Variants in GPC3 observed in about 807,000 individuals in gnomAD.
The protein encoded by GPC3 is glypican-3.
GPC3 carries 3 observed loss-of-function variants against 34.4 expected under a neutral mutation model. That is an observed-to-expected ratio of 0.09 (90% confidence interval 0.04 to 0.23). The LOEUF (loss-of-function observed/expected upper bound fraction) is 0.23. Ranked by LOEUF, GPC3 falls within the 10% of genes least tolerant of loss-of-function variation. The pLI is 1.00. For missense variants in GPC3, 351 were observed against 445.6 expected (o/e 0.79, Z 1.91); for synonymous variants, 177 against 174.0 (o/e 1.02, Z -0.13).
chrX:133,647,775 T>C (rs775423132), intron 6 of GPC3, among the ~76,000 whole-genome samples: 2 of 111,853 alleles, frequency 1.8e-5, no homozygotes, highest in African/African-American at 6.5e-5. Context: ...ACAGTTTTGG[T>C]AATTTTTGAG....
intron 2 of GPC3, among the ~76,000 whole-genome samples, chrX:133,891,791 C>T (rs1352962899): frequency 1.0e-5 from 1 of 96,196 alleles, no homozygotes; most frequent in Non-Finnish European, 2.1e-5. Flanking sequence ...AGAGCTAAGA[C>T]CTTGTCTCAA....
intron 3 of GPC3, among the ~76,000 whole-genome samples, chrX:133,751,215 C>T (rs1216081564): frequency 1.8e-5 from 2 of 111,584 alleles, no homozygotes; most frequent in Non-Finnish European, 3.8e-5. Context: ...CTCCTACACC[C>T]TGTCTTTAAT....
chrX:133,586,863 G>A (rs1315867333), intron 7 of GPC3, among the ~76,000 whole-genome samples: 2 of 110,983 alleles, frequency 1.8e-5, no homozygotes, highest in Non-Finnish European at 3.8e-5. Context: ...TATATTTACG[G>A]GGTACATAGT....
rs766721946 is a variant in GPC3 at position 133,668,140 on chromosome X, T to C, written c.1293-6290A>G. Among the ~76,000 whole-genome samples, 13 of 110,182 alleles carry C rather than the reference T, an allele frequency of 1.2e-4. No homozygotes were observed. In the South Asian group the frequency reaches 4.0e-3, roughly 34 times the overall value. On this transcript the variant is annotated intron_variant, in intron 5 of 7. Coordinates refer to ENST00000370818, the MANE Select transcript of GPC3 (RefSeq NM_004484.4). ...GAATGGTCTTGATCTCCTGACTTCA[T>C]GATCCGCCCGCCCACCTCGGCCTCC... is the stretch of plus-strand genomic sequence containing the variant.
At chrX:133,593,354 T>TAAAAAAAAAAA (rs1186766438) in intron 7 of GPC3, among the ~76,000 whole-genome samples, 1 of 47,713 alleles carries the variant, frequency 2.1e-5, no homozygotes, top group Non-Finnish European at 3.9e-5. Context: ...AAAAAAAAAG[T>TAAAAAAAAAAA]AAAAAAAAAA....
At chrX:133,582,840 T>TGAC (rs2069746046) in intron 7 of GPC3, among the ~76,000 whole-genome samples, 1 of 110,730 alleles carries the variant, frequency 9.0e-6, no homozygotes, top group Non-Finnish European at 1.9e-5. Flanking sequence ...TGGACAACCT[T>TGAC]AATATTGACA....
At chrX:133,977,815 A>G (rs1267169810) in intron 1 of GPC3, among the ~76,000 whole-genome samples, 1 of 112,477 alleles carries the variant, frequency 8.9e-6, no homozygotes, top group Non-Finnish European at 1.9e-5. Context: ...CTAGGCAACT[A>G]ATTGAAAGTT....
intron 2 of GPC3, among the ~76,000 whole-genome samples, chrX:133,823,170 G>T (rs957443058): frequency 3.8e-5 from 3 of 78,443 alleles, no homozygotes; most frequent in African/African-American, 1.4e-4. Flanking sequence ...AAAAAAACTG[G>T]CTGGAAAAAT....
intron 2 of GPC3, among the ~76,000 whole-genome samples, chrX:133,821,993 A>G (rs1186131065): frequency 8.9e-6 from 1 of 111,963 alleles, no homozygotes; most frequent in African/African-American, 3.3e-5. Context: ...GCATGCATAA[A>G]TACAGTAGTC....
In GPC3 at chrX:133,535,885, G is replaced by GT. The variant is rs2069281174; in HGVS notation, c.*238dup. On this transcript the variant is annotated 3_prime_UTR_variant, in exon 8 of 8. Coordinates refer to ENST00000370818, the MANE Select transcript of GPC3 (RefSeq NM_004484.4). The stretch of plus-strand genomic sequence containing the variant: ...GAGAATAATTTGGCACAACTTGATG[G>GT]TTTTTTTTCTTTCTTTGCAAAAGGA... 15 of 377,591 alleles carry GT rather than the reference G, an allele frequency of 4.0e-5. No individual in the cohort carries two copies. The highest frequency in any genetic ancestry group is 5.9e-5 in the Non-Finnish European group (13 of 220,430). The allele number at this position is 377,591 out of a possible 1,213,427, so 31.1% of individuals were successfully genotyped here.
intron 2 of GPC3, among the ~76,000 whole-genome samples, chrX:133,757,939 A>G (rs944647682): frequency 8.9e-6 from 1 of 112,006 alleles, no homozygotes; most frequent in Non-Finnish European, 1.9e-5. Flanking sequence ...CAAAACACAT[A>G]TGAAAAAATA....
At chrX:133,806,600 TTTTAA>T (rs1166675073) in intron 2 of GPC3, among the ~76,000 whole-genome samples, 8 of 111,406 alleles carry the variant, frequency 7.2e-5, no homozygotes, top group African/African-American at 2.0e-4. Flanking sequence ...AGATCACCTA[TTTTAA>T]TTTATTTATT....
At chrX:133,895,864 G>T (rs2076109691) in intron 2 of GPC3, among the ~76,000 whole-genome samples, 1 of 111,299 alleles carries the variant, frequency 9.0e-6, no homozygotes, top group African/African-American at 3.3e-5. Flanking sequence ...TCCCTCGCAG[G>T]CAAGAAAAAT....
rs1193766534 is a variant in GPC3 at position 133,925,479 on chromosome X, C to G, written c.337+27571G>C. Among the ~76,000 whole-genome samples the G allele has an allele frequency of 3.6e-5, 4 of 112,023 alleles. No individual in the cohort carries two copies. The East Asian group carries it at 1.1e-3, about 32-fold the overall frequency. ...TAATCAGGATTTTAAGGTATCTTCT[C>G]TGCTCAATATTTTTAATCAATGACT... On this transcript the variant is annotated intron_variant, in intron 2 of 7. Transcript: ENST00000370818.
At chrX:133,851,962 T>C (rs1290847342) in intron 2 of GPC3, among the ~76,000 whole-genome samples, 1 of 111,849 alleles carries the variant, frequency 8.9e-6, no homozygotes, top group Non-Finnish European at 1.9e-5. Context: ...AGACACAAAA[T>C]ACCTGCATTT....
intron 2 of GPC3, among the ~76,000 whole-genome samples, chrX:133,796,211 C>T (rs2075581185): frequency 9.0e-6 from 1 of 111,693 alleles, no homozygotes; most frequent in Non-Finnish European, 1.9e-5. Flanking sequence ...TCCCAAAGTG[C>T]TGGGATTACA....
intron 5 of GPC3, among the ~76,000 whole-genome samples, chrX:133,682,069 A>G (rs1279121821): frequency 9.0e-6 from 1 of 111,716 alleles, no homozygotes; most frequent in Admixed American, 9.5e-5. Flanking sequence ...ACGTTGTTGC[A>G]ACAATTATGC....
chrX:133,859,674 T>C (rs1187722614), intron 2 of GPC3, among the ~76,000 whole-genome samples: 1 of 112,362 alleles, frequency 8.9e-6, no homozygotes, highest in Non-Finnish European at 1.9e-5. Context: ...ATCACACAAA[T>C]CTATGTCAGG....
chrX:133,919,676 A>G (rs887033133), intron 2 of GPC3, among the ~76,000 whole-genome samples: 1 of 109,638 alleles, frequency 9.1e-6, no homozygotes, highest in Non-Finnish European at 1.9e-5. Flanking sequence ...TAAAAAAAAT[A>G]TTAGCCAAGC....
Sources: gnomAD v4.1 joint callset for allele counts (sites outside exome capture counted in the v4.1 genomes callset) on GRCh38, gnomAD v4.1.1 for gene constraint, MANE v1.5 for transcripts, NCBI Gene and HGNC (gene_info 2026-07-23, HGNC 2026-07-21) for gene names.